The following SLIT3 variants were observed in gnomAD, a reference collection of about 807,000 sequenced individuals.
The protein encoded by SLIT3 is slit guidance ligand 3, also known as slit homolog 3 protein.
Under a neutral mutation model 184.0 loss-of-function variants are expected in SLIT3, and 68 were observed. The observed-to-expected ratio is 0.37, with a 90% CI of 0.30 to 0.45. The LOEUF is 0.45. Ranked by LOEUF, SLIT3 falls within the 20% of genes least tolerant of loss-of-function variation. SLIT3 has a pLI of 1.00. For synonymous variants in SLIT3, 831 were observed against 828.6 expected (o/e 1.00, Z -0.05); for missense variants, 1,707 against 2,026.0 (o/e 0.84, Z 3.02).
At chr5:169,076,311 T>C (rs1045710541) in intron 4 of SLIT3, among the ~76,000 whole-genome samples, 7 of 152,242 alleles carry the variant, frequency 4.6e-5, no homozygotes, top group Middle Eastern at 3.4e-3. Context: ...GCACTAGAGA[T>C]TGTTCAGGAG....
Position 168,908,371 on chromosome 5 carries a change from G to A in SLIT3, c.414-25035C>T, listed in dbSNP as rs887385140. Among the ~76,000 whole-genome samples, 4 of 152,082 alleles carry A rather than the reference G, an allele frequency of 2.6e-5. 1 individual carries two copies. The highest frequency in any genetic ancestry group is 1.3e-4 in the Admixed American group (2 of 15,266). ...TCTGTCTGAATGCCATGCAGTCCACGGTTTGGTCTGCGGAAGAGTGAGGGC... is the reference window on the plus strand; with the variant it reads ...TCTGTCTGAATGCCATGCAGTCCACAGTTTGGTCTGCGGAAGAGTGAGGGC... On this transcript the variant is annotated intron_variant, in intron 4 of 35. Coordinates refer to ENST00000519560, the MANE Select transcript of SLIT3 (RefSeq NM_003062.4).
intron 5 of SLIT3, among the ~76,000 whole-genome samples, chr5:168,873,355 T>G (rs1196261575): frequency 6.6e-6 from 1 of 151,754 alleles, no homozygotes; most frequent in African/African-American, 2.4e-5. Context: ...ATATGGCCGG[T>G]ATAGTGACTC....
intron 4 of SLIT3, among the ~76,000 whole-genome samples, chr5:168,918,252 G>A (rs964921233): frequency 3.3e-5 from 5 of 152,198 alleles, no homozygotes; most frequent in African/African-American, 9.6e-5. Flanking sequence ...AAATGAAGCT[G>A]CATTTAAAAA....
At chr5:169,040,304 C>T (rs1757405813) in intron 4 of SLIT3, among the ~76,000 whole-genome samples, 1 of 152,086 alleles carries the variant, frequency 6.6e-6, no homozygotes, top group Non-Finnish European at 1.5e-5. Context: ...TGGCATTGCT[C>T]ATCTGTATTT....
At chr5:169,248,091 A>G (rs986455438) in intron 2 of SLIT3, among the ~76,000 whole-genome samples, 1 of 152,098 alleles carries the variant, frequency 6.6e-6, no homozygotes, top group South Asian at 2.1e-4. Context: ...ACCTAAGACC[A>G]CAGCTTCTGT....
intron 4 of SLIT3, among the ~76,000 whole-genome samples, chr5:169,191,687 TCATAGGTTCCC>T (rs1763556129): frequency 1.3e-5 from 2 of 152,138 alleles, no homozygotes; most frequent in African/African-American, 4.8e-5. Context: ...AGGACATAAC[TCATAGGTTCCC>T]CATGCCCACG....
At chr5:169,063,766 G>A (rs1295079732) in intron 4 of SLIT3, among the ~76,000 whole-genome samples, 1 of 152,238 alleles carries the variant, frequency 6.6e-6, no homozygotes, top group African/African-American at 2.4e-5. Flanking sequence ...GCTCCGGAAT[G>A]TTCATCTCGC....
chr5:169,088,875 C>A (rs980288313), intron 4 of SLIT3, among the ~76,000 whole-genome samples: 1 of 151,646 alleles, frequency 6.6e-6, no homozygotes, highest in African/African-American at 2.4e-5. Flanking sequence ...CAAAAATGAG[C>A]CAGGCATGGT....
At chr5:168,806,106 C>A (rs1756947486) in intron 9 of SLIT3, among the ~76,000 whole-genome samples, 1 of 152,220 alleles carries the variant, frequency 6.6e-6, no homozygotes, top group Non-Finnish European at 1.5e-5. Context: ...GTGGGCCATG[C>A]AGTCTTCTGT....
intron 3 of SLIT3, among the ~76,000 whole-genome samples, chr5:169,238,315 TTA>T (rs1765269363): frequency 6.6e-6 from 1 of 152,126 alleles, no homozygotes; most frequent in African/African-American, 2.4e-5. Flanking sequence ...CTCTTATAAT[TTA>T]TATGTTCTTA....
At chr5:169,195,818 G>A (rs984755906) in intron 3 of SLIT3, among the ~76,000 whole-genome samples, 9 of 152,134 alleles carry the variant, frequency 5.9e-5, no homozygotes, top group African/African-American at 1.9e-4. Context: ...GAGTCACCGT[G>A]CCCGGCTGAG....
intron 5 of SLIT3, 35 bp from the exon 6 acceptor site, chr5:168,844,690 C>T (rs371347549): frequency 6.8e-6 from 11 of 1,607,416 alleles, no homozygotes; most frequent in African/African-American, 6.7e-5. Flanking sequence ...GAAGGCTGAG[C>T]GGGGGCAGCG....
chr5:169,255,679 C>T (rs1322062643), intron 1 of SLIT3, among the ~76,000 whole-genome samples: 5 of 152,104 alleles, frequency 3.3e-5, no homozygotes, highest in Admixed American at 1.3e-4. Context: ...GTCAAGAGAT[C>T]GAGACCATCC....
At chr5:168,757,117 A>C (rs1291908891) in intron 16 of SLIT3, among the ~76,000 whole-genome samples, 1 of 152,208 alleles carries the variant, frequency 6.6e-6, no homozygotes, top group Non-Finnish European at 1.5e-5. Flanking sequence ...AAACAAGTGC[A>C]TGGAGGTTTT....
intron 6 of SLIT3, among the ~76,000 whole-genome samples, chr5:168,828,817 A>G (rs923847026): frequency 3.3e-5 from 5 of 152,320 alleles, no homozygotes; most frequent in African/African-American, 9.6e-5. Flanking sequence ...GAGGAGTCTC[A>G]TGCAAGTTCG....
intron 4 of SLIT3, among the ~76,000 whole-genome samples, chr5:168,988,497 A>C (rs1419628906): frequency 6.6e-6 from 1 of 152,052 alleles, no homozygotes; most frequent in Non-Finnish European, 1.5e-5. Context: ...AGCTCTTTCC[A>C]AGGGCTCCCG....
intron 5 of SLIT3, among the ~76,000 whole-genome samples, chr5:168,856,767 G>GTGTA (rs1491461288): frequency 2.0e-4 from 7 of 34,346 alleles, no homozygotes; most frequent in African/African-American, 7.5e-4. Context: ...TGAGTTCCTC[G>GTGTA]TGTGTGTGTG....
intron 4 of SLIT3, among the ~76,000 whole-genome samples, chr5:169,171,799 G>A (rs375108596): frequency 3.9e-5 from 6 of 152,220 alleles, no homozygotes; most frequent in South Asian, 2.1e-4. Context: ...AAAATGGGGT[G>A]GGGTGGAGAA....
chr5:169,206,893 G>A (rs1173323332), intron 3 of SLIT3, among the ~76,000 whole-genome samples: 4 of 152,028 alleles, frequency 2.6e-5, no homozygotes, highest in Admixed American at 2.0e-4. Context: ...TCAGGTCCAA[G>A]GTTTTTTTGT....
Sources: allele counts gnomAD v4.1 joint callset (sites outside exome capture counted in the v4.1 genomes callset), GRCh38; gene constraint gnomAD v4.1.1; transcripts MANE v1.5; gene names NCBI Gene and HGNC (gene_info 2026-07-23, HGNC 2026-07-21).